JARID2: variants seen among roughly 807,000 people sequenced by gnomAD.
The protein encoded by JARID2 is jumonji and AT-rich interaction domain containing 2.
JARID2 carries 21 observed loss-of-function variants against 125.6 expected under a neutral mutation model. The ratio of observed to expected loss-of-function variants is 0.17; its 90% CI spans 0.12 to 0.24. The LOEUF (loss-of-function observed/expected upper bound fraction) is 0.24. Ranked by LOEUF, JARID2 falls within the 10% of genes least tolerant of loss-of-function variation. The pLI is 1.00. For missense variants in JARID2, 1,303 were observed against 1,639.6 expected (o/e 0.79, Z 3.55); for synonymous variants, 736 against 661.6 (o/e 1.11, Z -1.73).
At chr6:15,344,891 C>T (rs1763195562) in intron 1 of JARID2, among the ~76,000 whole-genome samples, 1 of 151,914 alleles carries the variant, frequency 6.6e-6, no homozygotes, top group South Asian at 2.1e-4. Flanking sequence ...GCATTACCTG[C>T]CGTTTTGGAT....
chr6:15,496,242 T>C lies in JARID2; in HGVS notation c.1017T>C (p.Thr339=). The C allele has an allele frequency of 6.2e-7, 1 of 1,614,130 alleles. No individual in the cohort carries two copies. The highest frequency in any genetic ancestry group is 8.5e-7 in the Non-Finnish European group (1 of 1,180,032). Residue 339 remains threonine, a synonymous_variant, in exon 7 of 18, where the codon ACT becomes ACC. Transcript: ENST00000341776. The part of the protein sequence containing the change: ...RPSPSKTVKY[T]ATVTKGAVTY... Reference sequence around the variant, plus strand: ...CACCATCCAAAACTGTGAAGTACACTGCCACGGTGACGAAGGGGGCTGTCA... The same window carrying C: ...CACCATCCAAAACTGTGAAGTACACCGCCACGGTGACGAAGGGGGCTGTCA...
chr6:15,345,213 T>C (rs1763204638), intron 1 of JARID2, among the ~76,000 whole-genome samples: 1 of 152,204 alleles, frequency 6.6e-6, no homozygotes, highest in Admixed American at 6.5e-5. Flanking sequence ...TTCAAGGTCT[T>C]TTCAAGAGGT....
At chr6:15,273,040 G>A (rs1760356750) in intron 1 of JARID2, among the ~76,000 whole-genome samples, 1 of 152,124 alleles carries the variant, frequency 6.6e-6, no homozygotes, top group South Asian at 2.1e-4. Flanking sequence ...AGCCTAGTAA[G>A]TTGCCATCTA....
intron 2 of JARID2, among the ~76,000 whole-genome samples, chr6:15,383,471 AT>A (rs1029492879): frequency 2.2e-4 from 34 of 151,766 alleles, no homozygotes; most frequent in African/African-American, 7.7e-4. Flanking sequence ...ACATGTTCTT[AT>A]TTTTCCCATA....
intron 2 of JARID2, among the ~76,000 whole-genome samples, chr6:15,396,904 C>T (rs192679943): frequency 3.3e-5 from 5 of 152,272 alleles, no homozygotes; most frequent in Admixed American, 2.6e-4. Context: ...TCACCCAGTC[C>T]GGGTCACCCT....
chr6:15,328,756 C>A (rs1184658414), intron 1 of JARID2, among the ~76,000 whole-genome samples: 2 of 152,226 alleles, frequency 1.3e-5, no homozygotes, highest in Non-Finnish European at 2.9e-5. Flanking sequence ...TCCTCTGTTT[C>A]AAATTCACGA....
chr6:15,428,585 A>G (rs903153923), intron 3 of JARID2, among the ~76,000 whole-genome samples: 1 of 152,126 alleles, frequency 6.6e-6, no homozygotes, highest in African/African-American at 2.4e-5. Flanking sequence ...CCATGTCCCT[A>G]CAAAGGACAT....
intron 1 of JARID2, among the ~76,000 whole-genome samples, chr6:15,271,389 G>C (rs759121020): frequency 1.3e-5 from 2 of 152,200 alleles, no homozygotes; most frequent in East Asian, 3.9e-4. Flanking sequence ...GACTGATTTT[G>C]TTCTTGGTGC....
intron 1 of JARID2, among the ~76,000 whole-genome samples, chr6:15,249,128 A>C (rs528626947): frequency 1.3e-5 from 2 of 152,358 alleles, no homozygotes; most frequent in South Asian, 2.1e-4. Context: ...AGCGTGGTGC[A>C]TGTGTCCCCT....
At chr6:15,430,346 G>C (rs1766917765) in intron 3 of JARID2, among the ~76,000 whole-genome samples, 1 of 152,152 alleles carries the variant, frequency 6.6e-6, no homozygotes, top group South Asian at 2.1e-4. Context: ...TGACCTCAAT[G>C]TTAATTCATT....
chr6:15,488,121 A>T (rs1005694381), intron 6 of JARID2, among the ~76,000 whole-genome samples: 1 of 151,454 alleles, frequency 6.6e-6, no homozygotes, highest in East Asian at 1.9e-4. Flanking sequence ...CACCCTGACC[A>T]CCTCCTGCCC....
intron 1 of JARID2, among the ~76,000 whole-genome samples, chr6:15,275,670 A>G (rs1760477734): frequency 6.6e-6 from 1 of 152,096 alleles, no homozygotes; most frequent in Admixed American, 6.6e-5. Context: ...ATTATTAAAT[A>G]GTGAATTTAA....
intron 1 of JARID2, among the ~76,000 whole-genome samples, chr6:15,292,516 C>G (rs1761265125): frequency 6.6e-6 from 1 of 152,162 alleles, no homozygotes; most frequent in African/African-American, 2.4e-5. Context: ...TTAAAGTCTT[C>G]TGTTGTATTT....
At chr6:15,438,483 AG>A (rs1275339749) in intron 3 of JARID2, among the ~76,000 whole-genome samples, 1 of 152,224 alleles carries the variant, frequency 6.6e-6, no homozygotes, top group African/African-American at 2.4e-5. Flanking sequence ...AGAAGGATGT[AG>A]TTCATTTCCA....
intron 1 of JARID2, among the ~76,000 whole-genome samples, chr6:15,299,034 G>C (rs1251467665): frequency 6.6e-6 from 1 of 151,416 alleles, no homozygotes; most frequent in Non-Finnish European, 1.5e-5. Context: ...GGATGCTTTG[G>C]TGGTGAAATA....
intron 1 of JARID2, among the ~76,000 whole-genome samples, chr6:15,287,657 C>A (rs965116325): frequency 1.3e-5 from 2 of 152,182 alleles, no homozygotes; most frequent in Non-Finnish European, 2.9e-5. Flanking sequence ...CTGAGAATCT[C>A]TTTTCCTTCT....
chr6:15,470,944 TTGA>T (rs1769047917), intron 5 of JARID2, among the ~76,000 whole-genome samples: 1 of 152,168 alleles, frequency 6.6e-6, no homozygotes, highest in Non-Finnish European at 1.5e-5. Flanking sequence ...TAGGAACCTG[TTGA>T]TGATTTTAGA....
At chr6:15,451,865 A>G (rs1767934856) in intron 3 of JARID2, 141 bp from the exon 4 acceptor site, 1 of 796,218 alleles carries the variant, frequency 1.3e-6, no homozygotes, top group South Asian at 1.9e-5. Flanking sequence ...AGAGTGTGAG[A>G]GATATAGAAC....
chr6:15,326,308 C>G (rs141727065), intron 1 of JARID2, among the ~76,000 whole-genome samples: 109 of 152,240 alleles, frequency 7.2e-4, no homozygotes, highest in African/African-American at 2.6e-3. Context: ...TGGGCTTATG[C>G]AATACTCTCG....
Sources: allele counts gnomAD v4.1 joint callset (sites outside exome capture counted in the v4.1 genomes callset), GRCh38; gene constraint gnomAD v4.1.1; transcripts MANE v1.5; gene names NCBI Gene and HGNC (gene_info 2026-07-23, HGNC 2026-07-21).